Variants in TJP3 observed in about 807,000 individuals in gnomAD.
The protein encoded by TJP3 is tight junction protein 3.
Under a neutral mutation model 104.2 loss-of-function variants are expected in TJP3, and 85 were observed. That is an observed-to-expected ratio of 0.82 (90% CI 0.68 to 0.98). The LOEUF is 0.98. Among genes scored for constraint, TJP3 ranks in the 50% least tolerant of loss-of-function variants. TJP3 has a pLI of 0.00. For missense variants in TJP3, 1,367 were observed against 1,322.8 expected (o/e 1.03, Z -0.52); for synonymous variants, 550 against 550.6 (o/e 1.00, Z 0.02).
At chr19:3,742,042 T>C (rs997877364) in intron 14 of TJP3, among the ~76,000 whole-genome samples, 2 of 152,172 alleles carry the variant, frequency 1.3e-5, no homozygotes, top group Admixed American at 1.3e-4. Context: ...GGTTCATTCC[T>C]TAAAAATCTA....
At chr19:3,718,191 C>CAAA (rs398033736) in intron 1 of TJP3, among the ~76,000 whole-genome samples, 1 of 42,266 alleles carries the variant, frequency 2.4e-5, no homozygotes, top group Non-Finnish European at 4.2e-5. Context: ...GACTCCAACT[C>CAAA]AAAAAAAAAA....
intron 1 of TJP3, among the ~76,000 whole-genome samples, chr19:3,718,683 G>C (rs1404877614): frequency 6.6e-6 from 1 of 151,466 alleles, no homozygotes; most frequent in Non-Finnish European, 1.5e-5. Flanking sequence ...TGGCCAGGCT[G>C]GTCTCGAACT....
chr19:3,748,968 C>A (rs1158155291), intron 19 of TJP3, among the ~76,000 whole-genome samples: 2 of 148,316 alleles, frequency 1.3e-5, no homozygotes, highest in African/African-American at 5.0e-5. Flanking sequence ...AAGCGTTTCT[C>A]CTCCCTCAGA....
intron 1 of TJP3, among the ~76,000 whole-genome samples, chr19:3,719,100 T>C (rs898509413): frequency 3.3e-5 from 5 of 151,592 alleles, no homozygotes; most frequent in East Asian, 4.0e-4. Context: ...ATGAGAATGG[T>C]GTGAACCCCG....
At chr19:3,728,378 G>C (rs373546288) in intron 1 of TJP3, 46 bp from the exon 2 acceptor site, 72 of 1,613,838 alleles carry the variant, frequency 4.5e-5, no homozygotes, top group Non-Finnish European at 5.7e-5. Context: ...GTGCTCAGAT[G>C]AACCTGTGTG....
chr19:3,712,264 C>T (rs373568806), intron 1 of TJP3, among the ~76,000 whole-genome samples: 11 of 152,238 alleles, frequency 7.2e-5, no homozygotes, highest in African/African-American at 2.2e-4. Context: ...TGCAGTGAGC[C>T]GGGATCGCAC....
rs150886332 is a variant in TJP3, at chr19:3,747,853, C to T, written c.2382C>T (p.Ser794=). 5.7e-5 allele frequency: 92 copies of T among 1,611,352 alleles called. No homozygotes were observed. The highest frequency in any genetic ancestry group is 6.9e-5 in the Non-Finnish European group (81 of 1,179,718). Residue 794 remains serine (S), a synonymous_variant, in exon 19 of 21, where the codon TCC becomes TCT. Coordinates refer to ENST00000541714, the MANE Select transcript of TJP3 (RefSeq NM_001267560.2). The part of the protein sequence containing the change: ...DLPHHGLADS[S]ADLSCDSRVN... The stretch of plus-strand genomic sequence containing the variant: ...CTCACCACGGCCTGGCCGACAGCTC[C>T]GCTGACCTCAGCTGCGACAGCCGCG...
chr19:3,739,297 C>T (rs1039241365), intron 13 of TJP3, among the ~76,000 whole-genome samples, 163 bp downstream of exon 13: 1 of 152,188 alleles, frequency 6.6e-6, no homozygotes, highest in Non-Finnish European at 1.5e-5. Flanking sequence ...CGAGACCATC[C>T]TGGGCAACAT....
At chr19:3,716,801 ATTTT>A (rs1215459660) in intron 1 of TJP3, among the ~76,000 whole-genome samples, 2 of 81,972 alleles carry the variant, frequency 2.4e-5, no homozygotes, top group East Asian at 6.0e-4. Flanking sequence ...ATATATATAT[ATTTT>A]TTTTTTTTTT....
chr19:3,733,728 C>T (rs764313720), intron 6 of TJP3, 25 bp from the exon 7 acceptor site: 1 of 1,612,380 alleles, frequency 6.2e-7, no homozygotes, highest in Non-Finnish European at 8.5e-7. Flanking sequence ...CTCACTTCCG[C>T]TCTTTCATTC....
Position 3,743,989 on chromosome 19 carries a change from A to G in TJP3, c.1894A>G (p.Met632Val). The change falls in exon 15 of 21, where the codon ATG (methionine) becomes GTG (valine). Residue 632 changes from methionine to valine, a missense_variant. Coordinates refer to ENST00000541714, the MANE Select transcript of TJP3 (RefSeq NM_001267560.2). Reference protein sequence around the residue: ...VILGPVADIAMQKLTAEMPDQ... With the variant: ...VILGPVADIAVQKLTAEMPDQ... ...CCTGGGACCCGTGGCCGACATTGCT[A>G]TGCAGAAGTTGACTGCTGAGATGCC... is the stretch of plus-strand genomic sequence containing the variant. 3 of 1,614,172 alleles carry G rather than the reference A, an allele frequency of 1.9e-6. No individual in the cohort carries two copies. Among genetic ancestry groups the G allele is most frequent in the Non-Finnish European group, 2.5e-6 (3 of 1,180,024 alleles).
chr19:3,726,645 A>G (rs1348690715), intron 1 of TJP3, among the ~76,000 whole-genome samples: 1 of 150,996 alleles, frequency 6.6e-6, no homozygotes, highest in Non-Finnish European at 1.5e-5. Context: ...ATTTGAGCCC[A>G]GGAGTTCAAG....
At chr19:3,742,102 A>G (rs2036829770) in intron 14 of TJP3, among the ~76,000 whole-genome samples, 1 of 152,208 alleles carries the variant, frequency 6.6e-6, no homozygotes, top group South Asian at 2.1e-4. Flanking sequence ...TAGCCTTACA[A>G]AAGGAAAAAG....
At chr19:3,737,121 G>C (rs679962) in intron 11 of TJP3, among the ~76,000 whole-genome samples, 87,711 of 151,708 alleles carry the variant, frequency 0.58, 26,173 homozygotes, top group Admixed American at 0.72. Flanking sequence ...CTCAAGTGAT[G>C]CACCCGCCTC....
chr19:3,708,642 TC>T (rs1297585173), intron 1 of TJP3, 81 bp downstream of exon 1: 2 of 151,578 alleles, frequency 1.3e-5, no homozygotes, highest in Non-Finnish European at 2.9e-5. Context: ...GTCCTTAGAC[TC>T]CCCCCCAACC....
chr19:3,721,861 G>T, intron 1 of TJP3: 2 of 1,214,288 alleles, frequency 1.6e-6, no homozygotes, highest in Non-Finnish European at 2.1e-6. Flanking sequence ...GACCCCCTCG[G>T]GTAGGGGGGC....
intron 11 of TJP3, among the ~76,000 whole-genome samples, chr19:3,737,367 C>T (rs769637058): frequency 5.3e-5 from 8 of 151,952 alleles, no homozygotes; most frequent in East Asian, 1.9e-4. Context: ...GTGTCATGAC[C>T]GTCTTGTATG....
Position 3,733,870 on chromosome 19 carries a change from A to G in TJP3, c.835A>G (p.Ile279Val), listed in dbSNP as rs1314558300. 1.2e-6 allele frequency: 2 copies of G among 1,614,200 alleles called. No individual in the cohort carries two copies. Among genetic ancestry groups the G allele is most frequent in the Middle Eastern group, 1.7e-4 (1 of 6,058 alleles). Residue 279 changes from isoleucine to valine, a missense_variant, in exon 7 of 21, where the codon ATT becomes GTT. Transcript: ENST00000541714. ...LRDRGQFLVN[I>V]PPAVSDSDSS... is the part of the protein sequence containing the mutation. ...AGATCGTGGGCAGTTCCTGGTGAAC[A>G]TTCCGCCTGCTGTCAGTGACAGCGA...
In TJP3 at chr19:3,746,975, C is replaced by G. The variant is rs1167011511; in HGVS notation, c.2322+99C>G. The G allele has an allele frequency of 8.5e-7, 1 of 1,177,992 alleles. No homozygotes were observed. Among genetic ancestry groups the G allele is most frequent in the Non-Finnish European group, 1.2e-6 (1 of 820,744 alleles). The allele number at this position is 1,177,992 out of a possible 1,614,324, so 73.0% of individuals were successfully genotyped here. A position where few individuals can be genotyped will look rare whatever the true frequency, so the allele number is the denominator to read the frequency against. On this transcript the variant is annotated intron_variant, in intron 18 of 20. Coordinates refer to ENST00000541714, the MANE Select transcript of TJP3 (RefSeq NM_001267560.2). The surrounding 1 kb of genome is among the most constrained non-coding windows in gnomAD (Gnocchi z 4.1). ...CCTCTGTCGGGAGTTAGGGCTTGGTCAGGGATCAGGACTGTGGCCAGAGTC... is the reference window on the plus strand; with the variant it reads ...CCTCTGTCGGGAGTTAGGGCTTGGTGAGGGATCAGGACTGTGGCCAGAGTC...
Sources: allele counts gnomAD v4.1 joint callset (sites outside exome capture counted in the v4.1 genomes callset), GRCh38; gene constraint gnomAD v4.1.1; non-coding constraint Gnocchi (gnomAD v3.1); transcripts MANE v1.5; gene names NCBI Gene and HGNC (gene_info 2026-07-23, HGNC 2026-07-21).